The following CLDN10 variants were observed in gnomAD, a reference collection of about 807,000 sequenced individuals.
The protein encoded by CLDN10 is claudin-10.
A neutral mutation model predicts 22.9 loss-of-function variants in CLDN10; 15 were observed. That is an observed-to-expected ratio of 0.65 (90% CI 0.44 to 1.01). The LOEUF (loss-of-function observed/expected upper bound fraction) is 1.01. Among genes scored for constraint, CLDN10 ranks in the 50% least tolerant of loss-of-function variants. The probability of loss-of-function intolerance (pLI) is 0.00; values close to 1 mark genes in which losing one functional copy is unlikely to be tolerated. For missense variants in CLDN10, 247 were observed against 287.8 expected (o/e 0.86, Z 1.03); for synonymous variants, 114 against 111.4 (o/e 1.02, Z -0.15).
intron 1 of CLDN10, among the ~76,000 whole-genome samples, chr13:95,519,656 C>G (rs2043205209): frequency 6.6e-6 from 1 of 152,210 alleles, no homozygotes; most frequent in Admixed American, 6.5e-5. Context: ...AGTCCTTGTT[C>G]AAGCTATTAG....
At chr13:95,496,502 C>G (rs759934266) in intron 1 of CLDN10, among the ~76,000 whole-genome samples, 1 of 152,162 alleles carries the variant, frequency 6.6e-6, no homozygotes, top group Non-Finnish European at 1.5e-5. Context: ...GCTGCGATTA[C>G]AAAATACCAT....
intron 1 of CLDN10, among the ~76,000 whole-genome samples, chr13:95,503,224 A>T (rs1473333857): frequency 6.6e-6 from 1 of 152,200 alleles, no homozygotes; most frequent in Non-Finnish European, 1.5e-5. Flanking sequence ...CATAGAGGTG[A>T]TAATATTAAT....
intron 1 of CLDN10, among the ~76,000 whole-genome samples, chr13:95,513,475 C>G (rs953299094): frequency 1.1e-4 from 16 of 152,196 alleles, no homozygotes; most frequent in African/African-American, 3.9e-4. Flanking sequence ...TTGTATGACA[C>G]CCCTCTAACA....
chr13:95,448,078 T>C lies in CLDN10; in HGVS notation c.214+14031T>C, dbSNP rs139662309. 1.8e-4 allele frequency among the ~76,000 whole-genome samples: 27 copies of C among 152,134 alleles called. No individual in the cohort carries two copies. The East Asian group carries it at 4.8e-3, about 27-fold the overall frequency. The stretch of plus-strand genomic sequence containing the variant: ...TCCAGTTCCATCCAGGATTATGAAA[T>C]AAACTTAAACTAGACTGCCCACACC... On this transcript the variant is annotated intron_variant, in intron 1 of 4. Coordinates refer to the CLDN10 transcript ENST00000376873.
At chr13:95,512,805 A>G (rs1003809059) in intron 1 of CLDN10, among the ~76,000 whole-genome samples, 3 of 152,184 alleles carry the variant, frequency 2.0e-5, no homozygotes, top group Admixed American at 6.5e-5. Flanking sequence ...TCAGCTTTTC[A>G]CCCACAGAAA....
chr13:95,443,529 C>A (rs2139068451), intron 1 of CLDN10, among the ~76,000 whole-genome samples: 1 of 152,238 alleles, frequency 6.6e-6, no homozygotes, highest in Middle Eastern at 3.4e-3. Context: ...AGGGAAGAAC[C>A]ACGGTCATTC....
At chr13:95,560,356 A>G (rs373345015) in intron 2 of CLDN10, 26 bp from the exon 3 acceptor site, 13 of 1,612,654 alleles carry the variant, frequency 8.1e-6, no homozygotes, top group Non-Finnish European at 1.1e-5. Flanking sequence ...CACTAACCAT[A>G]GTGCTTTCCC....
intron 1 of CLDN10, among the ~76,000 whole-genome samples, chr13:95,490,715 C>G (rs924216058): frequency 2.0e-5 from 3 of 152,126 alleles, no homozygotes; most frequent in Admixed American, 2.0e-4. Flanking sequence ...AAGTTCCATG[C>G]TCTGTTGAAT....
chr13:95,472,777 T>A (rs139398228), intron 1 of CLDN10, among the ~76,000 whole-genome samples: 45 of 150,786 alleles, frequency 3.0e-4, no homozygotes, highest in Non-Finnish European at 5.3e-4. Context: ...AATTTGAGAG[T>A]GTGGGATGAG....
At chr13:95,516,164 A>C (rs1456138160) in intron 1 of CLDN10, among the ~76,000 whole-genome samples, 1 of 152,204 alleles carries the variant, frequency 6.6e-6, no homozygotes. Flanking sequence ...TATGAATACA[A>C]ATGTATACAA....
At position 95,579,631 on chromosome 13, in the gene CLDN10, TGTA is replaced by T. The variant is rs2043986711; in HGVS notation, c.*1621_*1623del. The T allele has an allele frequency of 1.3e-5, 2 of 152,128 alleles. No individual in the cohort carries two copies. Among genetic ancestry groups the T allele is most frequent in the South Asian group, 4.1e-4 (2 of 4,826 alleles). The allele number at this position is 152,128 out of a possible 1,614,324, so 9.4% of individuals were successfully genotyped here. The stretch of plus-strand genomic sequence containing the variant: ...CGATATGAATCACAACGTGGGTGAA[TGTA>T]GTATTTTCCTGAAGTGTGAAAGACT... On this transcript the variant is annotated 3_prime_UTR_variant, in exon 5 of 5. Coordinates refer to ENST00000299339, the MANE Select transcript of CLDN10 (RefSeq NM_006984.5).
chr13:95,503,016 G>C (rs1162875141), intron 1 of CLDN10, among the ~76,000 whole-genome samples: 4 of 152,210 alleles, frequency 2.6e-5, no homozygotes, highest in Non-Finnish European at 5.9e-5. Flanking sequence ...CAAGCATACT[G>C]TTCTAACTGT....
rs1034136262 is a variant in CLDN10 at position 95,448,786 on chromosome 13, T to C, written c.214+14739T>C. Among the ~76,000 whole-genome samples, 10 of 140,030 alleles carry C rather than the reference T, an allele frequency of 7.1e-5. No individual in the cohort carries two copies. In the East Asian group the frequency reaches 2.0e-3, roughly 27 times the overall value. The allele number at this position is 140,030 out of a possible 152,430, so 91.9% of individuals were successfully genotyped here. On this transcript the variant is annotated intron_variant, in intron 1 of 4. Coordinates refer to the CLDN10 transcript ENST00000376873. ...AGATTCTCTCTCTCTCTCGCCCAGT[T>C]TGGAGTTCAGTGGCACGATCTCGGC...
chr13:95,486,321 G>C (rs923680864), intron 1 of CLDN10, among the ~76,000 whole-genome samples: 1 of 152,102 alleles, frequency 6.6e-6, no homozygotes, highest in African/African-American at 2.4e-5. Flanking sequence ...TCAGGAGTTT[G>C]AGACCAGCCT....
chr13:95,464,550 C>T (rs929840999), intron 1 of CLDN10, among the ~76,000 whole-genome samples: 17 of 151,988 alleles, frequency 1.1e-4, no homozygotes, highest in Admixed American at 2.6e-4. Flanking sequence ...TGAGTAGTGC[C>T]GCAATAAACA....
At chr13:95,568,597 C>T (rs1020355694) in intron 3 of CLDN10, among the ~76,000 whole-genome samples, 1 of 152,124 alleles carries the variant, frequency 6.6e-6, no homozygotes, top group Non-Finnish European at 1.5e-5. Context: ...CTTTCTACCT[C>T]GTGCTTCCAT....
At chr13:95,502,989 G>A (rs918653527) in intron 1 of CLDN10, among the ~76,000 whole-genome samples, 6 of 152,206 alleles carry the variant, frequency 3.9e-5, no homozygotes, top group African/African-American at 1.4e-4. Flanking sequence ...AGTCTCAACA[G>A]GTTCCCAGTG....
intron 3 of CLDN10, among the ~76,000 whole-genome samples, chr13:95,562,262 C>T (rs1452103896): frequency 6.6e-6 from 1 of 151,938 alleles, no homozygotes; most frequent in Non-Finnish European, 1.5e-5. Context: ...TTAACGGAGA[C>T]AGGTCTTGCT....
At chr13:95,505,087 A>G (rs2043024509) in intron 1 of CLDN10, among the ~76,000 whole-genome samples, 1 of 152,224 alleles carries the variant, frequency 6.6e-6, no homozygotes, top group African/African-American at 2.4e-5. Context: ...GCCAGTAGAG[A>G]AACTTTGGTG....
Sources: allele counts gnomAD v4.1 joint callset (sites outside exome capture counted in the v4.1 genomes callset), GRCh38; gene constraint gnomAD v4.1.1; transcripts MANE v1.5; gene names NCBI Gene and HGNC (gene_info 2026-07-23, HGNC 2026-07-21).